The following INPP5A variants were observed in gnomAD, a reference collection of about 807,000 sequenced individuals.
The protein encoded by INPP5A is inositol polyphosphate-5-phosphatase A, also known as 43 kDa inositol polyphosphate 5-phophatase.
INPP5A carries 14 observed loss-of-function variants against 65.2 expected under a neutral mutation model. The ratio of observed to expected loss-of-function variants is 0.21; its 90% CI spans 0.14 to 0.34. INPP5A has a LOEUF of 0.34. Among genes scored for constraint, INPP5A ranks in the 10% least tolerant of loss-of-function variants. The pLI is 1.00. For missense variants in INPP5A, 431 were observed against 545.6 expected (o/e 0.79, Z 2.09); for synonymous variants, 207 against 208.3 (o/e 0.99, Z 0.05).
Position 132,675,332 on chromosome 10 carries a change from A to G in INPP5A, c.307-15060A>G, listed in dbSNP as rs746042941. On this transcript the variant is annotated intron_variant, in intron 4 of 15. Transcript: ENST00000368594. This position sits in a 1 kb window ranked among gnomAD's most constrained non-coding sequence, Gnocchi z 4.2. ...AACATCTCCTAAGATTGAAGGTGAA[A>G]TAGACATTTTAACTCAAATGAAAAA... 2.6e-5 allele frequency among the ~76,000 whole-genome samples: 4 copies of G among 152,236 alleles called. No individual in the cohort carries two copies. Among genetic ancestry groups the G allele is most frequent in the Admixed American group, 6.5e-5 (1 of 15,290 alleles).
At position 132,697,854 on chromosome 10, in the gene INPP5A, T is replaced by C. The variant is rs1845370543; in HGVS notation, c.409T>C (p.Ser137Pro). ...YRKVAGKEIY[S>P]DTLESTPMLE... ...AAAGGTCGCTGGCAAAGAGATCTAC[T>C]CGGATACCTTAGAGAGCACGCCCAT... is the stretch of plus-strand genomic sequence containing the variant. Residue 137 changes from serine to proline, a missense_variant, in exon 6 of 16, where the codon TCG becomes CCG. Physicochemically the swap from Ser to Pro is moderately conservative, Grantham distance 74 (BLOSUM62 -1). Transcript: ENST00000368594. This position sits in a 1 kb window ranked among gnomAD's most constrained non-coding sequence, Gnocchi z 5.6. 1 of 1,613,048 alleles carries C rather than the reference T, an allele frequency of 6.2e-7. No individual in the cohort carries two copies. The highest frequency in any genetic ancestry group is 8.5e-7 in the Non-Finnish European group (1 of 1,179,604).
chr10:132,630,398 A>G (rs1411863862), intron 2 of INPP5A, among the ~76,000 whole-genome samples: 1 of 151,926 alleles, frequency 6.6e-6, no homozygotes, highest in East Asian at 1.9e-4. Context: ...AAAGATGTCT[A>G]TGAGGAGATG....
At chr10:132,590,047 G>C (rs1253557845) in intron 1 of INPP5A, among the ~76,000 whole-genome samples, 1 of 152,272 alleles carries the variant, frequency 6.6e-6, no homozygotes, top group African/African-American at 2.4e-5. Flanking sequence ...TGTCAACACG[G>C]CTGGAAAAGG....
chr10:132,774,951 G>GA (rs1464981917), intron 12 of INPP5A, among the ~76,000 whole-genome samples: 1 of 79,838 alleles, frequency 1.3e-5, no homozygotes, highest in Non-Finnish European at 2.7e-5. Flanking sequence ...CGGGCAGGGA[G>GA]GAGGGGCAGG....
intron 2 of INPP5A, among the ~76,000 whole-genome samples, chr10:132,635,228 CTGTTGA>C (rs1175506647): frequency 6.6e-6 from 1 of 152,128 alleles, no homozygotes; most frequent in Non-Finnish European, 1.5e-5. Flanking sequence ...CCTGTTATAA[CTGTTGA>C]TGTGGTTGAA....
chr10:132,560,903 C>G (rs954859559), intron 1 of INPP5A, among the ~76,000 whole-genome samples: 4 of 151,836 alleles, frequency 2.6e-5, no homozygotes, highest in African/African-American at 4.8e-5. Flanking sequence ...ACCACCATGC[C>G]CAGGCTTTTT....
chr10:132,732,321 C>T (rs1240588906), intron 9 of INPP5A, among the ~76,000 whole-genome samples: 1 of 152,236 alleles, frequency 6.6e-6, no homozygotes, highest in Admixed American at 6.5e-5. Context: ...TTTTCCTGCC[C>T]ACGTGGCTCT....
intron 2 of INPP5A, among the ~76,000 whole-genome samples, chr10:132,630,173 CGTCCATGAGGGTAAGGT>C (rs1307386040): frequency 9.2e-5 from 14 of 152,188 alleles, no homozygotes; most frequent in African/African-American, 3.4e-4. Flanking sequence ...GAAGAAAAGG[CGTCCATGAGGGTAAGGT>C]GTCCATGAGG....
chr10:132,713,060 G>A (rs1845676282), intron 8 of INPP5A, among the ~76,000 whole-genome samples: 1 of 151,812 alleles, frequency 6.6e-6, no homozygotes, highest in Admixed American at 6.6e-5. Context: ...GTGTGCATAT[G>A]TGGGGAGAGC....
At chr10:132,734,181 C>G (rs1846136277) in intron 9 of INPP5A, among the ~76,000 whole-genome samples, 1 of 152,252 alleles carries the variant, frequency 6.6e-6, no homozygotes, top group African/African-American at 2.4e-5. Flanking sequence ...GAGATGCCAG[C>G]TATGCTCTCG....
intron 1 of INPP5A, among the ~76,000 whole-genome samples, chr10:132,602,939 ATTTTC>A (rs932488987): frequency 1.3e-5 from 2 of 151,942 alleles, no homozygotes; most frequent in Non-Finnish European, 2.9e-5. Flanking sequence ...CAATTTGCTT[ATTTTC>A]TCTCCTGATT....
chr10:132,636,397 C>T (rs2072353113), intron 2 of INPP5A, among the ~76,000 whole-genome samples: 1 of 152,208 alleles, frequency 6.6e-6, no homozygotes, highest in Non-Finnish European at 1.5e-5. Flanking sequence ...GGTGGTTACA[C>T]TGAAAGCCCT....
In INPP5A at chr10:132,616,418, C is replaced by T. The variant is rs759426225; in HGVS notation, c.117+8462C>T. ...ATGTGGCGTGCGGGGACGCCGTGGGCGTGGTGTGGGATATGTGGTATTGGG... is the reference window on the plus strand; with the variant it reads ...ATGTGGCGTGCGGGGACGCCGTGGGTGTGGTGTGGGATATGTGGTATTGGG... On this transcript the variant is annotated intron_variant, in intron 2 of 15. Coordinates refer to ENST00000368594, the MANE Select transcript of INPP5A (RefSeq NM_005539.5). The surrounding 1 kb of genome is among the most constrained non-coding windows in gnomAD (Gnocchi z 4.9). Among the ~76,000 whole-genome samples, 2 of 151,310 alleles carry T rather than the reference C, an allele frequency of 1.3e-5. No individual in the cohort carries two copies. The highest frequency in any genetic ancestry group is 2.1e-4 in the South Asian group (1 of 4,774).
intron 2 of INPP5A, among the ~76,000 whole-genome samples, chr10:132,636,950 G>A (rs1314553253): frequency 6.6e-6 from 1 of 151,946 alleles, no homozygotes. Context: ...ATGGAGCCTC[G>A]CTCTGTCGCC....
chr10:132,614,098 C>T (rs1177273298), intron 2 of INPP5A, among the ~76,000 whole-genome samples: 1 of 152,174 alleles, frequency 6.6e-6, no homozygotes, highest in Admixed American at 6.5e-5. Context: ...TTGGGACCCA[C>T]GGCTTTCGAA....
intron 12 of INPP5A, among the ~76,000 whole-genome samples, chr10:132,774,555 T>C (rs759854358): frequency 6.6e-6 from 1 of 152,198 alleles, no homozygotes; most frequent in African/African-American, 2.4e-5. Flanking sequence ...CCACCCAGCC[T>C]GCCTTCTGGG....
intron 4 of INPP5A, among the ~76,000 whole-genome samples, chr10:132,679,915 G>A (rs1011765046): frequency 2.6e-5 from 4 of 152,220 alleles, no homozygotes; most frequent in Non-Finnish European, 4.4e-5. Flanking sequence ...ATACCCACAC[G>A]CAGAAGAATG....
At chr10:132,570,338 T>A (rs2071325882) in intron 1 of INPP5A, among the ~76,000 whole-genome samples, 1 of 152,254 alleles carries the variant, frequency 6.6e-6, no homozygotes. Context: ...CTGTAGCCCT[T>A]CTGTGGATGC....
chr10:132,559,598 T>C (rs1294219851), intron 1 of INPP5A, among the ~76,000 whole-genome samples: 4 of 152,038 alleles, frequency 2.6e-5, no homozygotes, highest in African/African-American at 9.7e-5. Flanking sequence ...GGCCTTCGCA[T>C]CGTACTTCAC....
Sources: gnomAD v4.1 joint callset for allele counts (sites outside exome capture counted in the v4.1 genomes callset) on GRCh38, gnomAD v4.1.1 for gene constraint, Gnocchi (gnomAD v3.1) non-coding constraint, MANE v1.5 for transcripts, NCBI Gene and HGNC (gene_info 2026-07-23, HGNC 2026-07-21) for gene names.